Variants in AGBL1 observed in about 807,000 individuals in gnomAD.
The protein encoded by AGBL1 is AGBL carboxypeptidase 1.
Under a neutral mutation model 118.9 loss-of-function variants are expected in AGBL1, and 130 were observed. The ratio of observed to expected loss-of-function variants is 1.09; its 90% CI spans 0.95 to 1.26. The LOEUF (loss-of-function observed/expected upper bound fraction) is 1.26, where lower values mean the gene tolerates loss of function less well. AGBL1 is among the 50% of genes most tolerant of loss of function. AGBL1 has a pLI of 0.00. For synonymous variants in AGBL1, 555 were observed against 478.9 expected (o/e 1.16, Z -2.08); for missense variants, 1,584 against 1,298.1 (o/e 1.22, Z -3.38).
intron 22 of AGBL1, among the ~76,000 whole-genome samples, chr15:86,812,178 T>C (rs2078799554): frequency 6.6e-6 from 1 of 152,218 alleles, no homozygotes; most frequent in Non-Finnish European, 1.5e-5. Context: ...TATTTTCCTG[T>C]ATACACTTTA....
intron 22 of AGBL1, among the ~76,000 whole-genome samples, chr15:86,870,312 A>G (rs985956363): frequency 2.0e-5 from 3 of 149,694 alleles, no homozygotes; most frequent in African/African-American, 4.8e-5. Context: ...AATTTAAGTC[A>G]CATCTTGAAG....
intron 20 of AGBL1, among the ~76,000 whole-genome samples, chr15:86,552,403 G>A (rs1043814579): frequency 6.6e-6 from 1 of 152,204 alleles, no homozygotes; most frequent in Non-Finnish European, 1.5e-5. Flanking sequence ...CTTAAACAAT[G>A]TAAGAGTAAA....
intron 17 of AGBL1, among the ~76,000 whole-genome samples, chr15:86,304,190 A>C (rs1295137447): frequency 1.3e-5 from 2 of 152,160 alleles, no homozygotes; most frequent in Non-Finnish European, 1.5e-5. Context: ...CTGCCTCTAC[A>C]ATACTCTGCA....
chr15:86,789,432 A>G (rs887791451), intron 22 of AGBL1, among the ~76,000 whole-genome samples: 1 of 152,178 alleles, frequency 6.6e-6, no homozygotes, highest in African/African-American at 2.4e-5. Context: ...CAGGTTGTTT[A>G]AATTTTTCTT....
intron 22 of AGBL1, 108 bp downstream of exon 22, chr15:86,674,544 T>C (rs2085804064): frequency 8.9e-7 from 1 of 1,128,386 alleles, no homozygotes; most frequent in African/African-American, 1.6e-5. Flanking sequence ...ACAGAGAAAA[T>C]ATGGAAGAAT....
chr15:86,712,584 C>T (rs1008002122), intron 22 of AGBL1, among the ~76,000 whole-genome samples: 7 of 152,012 alleles, frequency 4.6e-5, no homozygotes, highest in African/African-American at 7.2e-5. Context: ...AAAAAAAATC[C>T]GCCTGTACTC....
chr15:86,868,379 T>G (rs993224453), intron 22 of AGBL1, among the ~76,000 whole-genome samples: 3 of 152,200 alleles, frequency 2.0e-5, no homozygotes, highest in Admixed American at 6.5e-5. Context: ...TCTTTCTAGA[T>G]GAGAAGTCTT....
chr15:86,851,419 C>T (rs537497913), intron 22 of AGBL1, among the ~76,000 whole-genome samples: 25 of 152,262 alleles, frequency 1.6e-4, no homozygotes, highest in African/African-American at 5.8e-4. Context: ...AAAGGTCCAT[C>T]ACCTGGTCAA....
At chr15:86,633,798 T>C (rs1265983815) in intron 21 of AGBL1, among the ~76,000 whole-genome samples, 1 of 23,080 alleles carries the variant, frequency 4.3e-5, no homozygotes, top group Non-Finnish European at 9.8e-5. Flanking sequence ...ATATATATAA[T>C]GTATATATAT....
chr15:87,007,902 C>A (rs576834842), intron 24 of AGBL1, among the ~76,000 whole-genome samples: 1 of 152,000 alleles, frequency 6.6e-6, no homozygotes, highest in Non-Finnish European at 1.5e-5. Context: ...TAGTGGACTC[C>A]GAATGATATT....
rs534182551 is a variant in AGBL1, at chr15:86,849,661, G to A, written c.3159-57426G>A. On this transcript the variant is annotated intron_variant, in intron 22 of 22. Transcript: ENST00000614907. Reference sequence around the variant, plus strand: ...TATATCTAGAATAGAGAGAGTAGCAGCTCTGGCCAGTTTCTTTCACAGGCT... The same window carrying A: ...TATATCTAGAATAGAGAGAGTAGCAACTCTGGCCAGTTTCTTTCACAGGCT... 5.8e-4 allele frequency among the ~76,000 whole-genome samples: 89 copies of A among 152,238 alleles called. 1 individual carries two copies. The highest frequency in any genetic ancestry group is 2.0e-3 in the African/African-American group (85 of 41,558).
intron 21 of AGBL1, among the ~76,000 whole-genome samples, chr15:86,597,724 T>C (rs927709760): frequency 1.3e-5 from 2 of 152,110 alleles, no homozygotes; most frequent in African/African-American, 4.8e-5. Flanking sequence ...TACTATCACT[T>C]GTGTTTGGCA....
At chr15:86,466,856 C>T (rs2082414646) in intron 18 of AGBL1, among the ~76,000 whole-genome samples, 1 of 152,200 alleles carries the variant, frequency 6.6e-6, no homozygotes, top group Non-Finnish European at 1.5e-5. Flanking sequence ...CTGCCTGCTT[C>T]TTCCTCTGGA....
intron 22 of AGBL1, among the ~76,000 whole-genome samples, chr15:86,790,434 C>T (rs1368971319): frequency 3.9e-5 from 6 of 152,076 alleles, no homozygotes; most frequent in Non-Finnish European, 8.8e-5. Context: ...TCTCTCCCCA[C>T]TCTCACACAC....
chr15:86,342,397 G>T (rs1595991067), intron 17 of AGBL1, among the ~76,000 whole-genome samples: 2 of 152,178 alleles, frequency 1.3e-5, no homozygotes, highest in African/African-American at 4.8e-5. Context: ...TGAAGAAAAT[G>T]CTGGCCTAAT....
At chr15:86,708,610 CAA>C (rs1316409454) in intron 22 of AGBL1, among the ~76,000 whole-genome samples, 4 of 152,030 alleles carry the variant, frequency 2.6e-5, no homozygotes, top group Non-Finnish European at 5.9e-5. Context: ...TGCCAGATTT[CAA>C]AAAATCTTTG....
At chr15:86,438,617 A>T (rs2082025649) in intron 18 of AGBL1, among the ~76,000 whole-genome samples, 1 of 151,374 alleles carries the variant, frequency 6.6e-6, no homozygotes, top group African/African-American at 2.4e-5. Flanking sequence ...CTAAAAATTT[A>T]TCTACTTATC....
At chr15:86,933,364 T>TA (rs2080628394) in intron 23 of AGBL1, among the ~76,000 whole-genome samples, 1 of 151,984 alleles carries the variant, frequency 6.6e-6, no homozygotes. Flanking sequence ...GGCCACAAAA[T>TA]AAGGGATATG....
intron 24 of AGBL1, among the ~76,000 whole-genome samples, chr15:86,997,069 C>G (rs1273594961): frequency 6.7e-6 from 1 of 150,298 alleles, no homozygotes; most frequent in Admixed American, 6.6e-5. Flanking sequence ...GCCTTTTTTT[C>G]TTTCCTGTTG....
Sources: allele counts gnomAD v4.1 joint callset (sites outside exome capture counted in the v4.1 genomes callset), GRCh38; gene constraint gnomAD v4.1.1; transcripts MANE v1.5; gene names NCBI Gene and HGNC (gene_info 2026-07-23, HGNC 2026-07-21).